CHLSN: variants seen among roughly 807,000 people sequenced by gnomAD.
CHLSN encodes the protein protein cholesin.
At chr7:1,106,228 A>G in the CHLSN span, among the ~76,000 whole-genome samples, 2 of 152,144 alleles carry the variant, frequency 1.3e-5, no homozygotes, top group South Asian at 2.1e-4. Flanking sequence ...GACTCTCCAC[A>G]TGCGGATGCC....
chr7:1,062,799 C>T, the CHLSN span, among the ~76,000 whole-genome samples: 4 of 152,188 alleles, frequency 2.6e-5, no homozygotes, highest in Non-Finnish European at 4.4e-5. Context: ...GTCCGCACTC[C>T]GTCAGGTTGG....
the CHLSN span, among the ~76,000 whole-genome samples, chr7:1,123,877 C>T: frequency 6.6e-6 from 1 of 152,130 alleles, no homozygotes; most frequent in Non-Finnish European, 1.5e-5. This position sits in a 1 kb window ranked among gnomAD's most constrained non-coding sequence, Gnocchi z 4.4. Flanking sequence ...CGGGCTCCAC[C>T]GAGACCGCAT....
the CHLSN span, among the ~76,000 whole-genome samples, chr7:1,051,888 G>A: frequency 1.3e-5 from 2 of 152,222 alleles, no homozygotes; most frequent in Non-Finnish European, 2.9e-5. Flanking sequence ...TGAGATGGGA[G>A]GATCGCTTGA....
the CHLSN span, among the ~76,000 whole-genome samples, chr7:1,122,864 T>A: frequency 6.6e-6 from 1 of 152,104 alleles, no homozygotes; most frequent in East Asian, 1.9e-4. Flanking sequence ...CGGCAGAACC[T>A]CCTGCCCGCA....
the CHLSN span, among the ~76,000 whole-genome samples, chr7:1,077,249 G>A: frequency 3.9e-5 from 6 of 152,166 alleles, no homozygotes; most frequent in East Asian, 3.9e-4. Context: ...TCCGCCTCCC[G>A]GGTTCACACC....
At chr7:1,010,309 C>T in the CHLSN span, among the ~76,000 whole-genome samples, 23 of 152,306 alleles carry the variant, frequency 1.5e-4, no homozygotes, top group East Asian at 3.5e-3. Flanking sequence ...GCCTGTGCTA[C>T]GACGAAGAGA....
the CHLSN span, among the ~76,000 whole-genome samples, chr7:1,053,645 T>C: frequency 0.023 from 3,464 of 152,204 alleles, 150 homozygotes; most frequent in East Asian, 0.2. Context: ...CTGGCCAACA[T>C]GGAGAAACCT....
chr7:1,132,691 CT>C, the CHLSN span, among the ~76,000 whole-genome samples: 1 of 94,526 alleles, frequency 1.1e-5, no homozygotes, highest in Non-Finnish European at 1.9e-5. Context: ...GAGAACCTGT[CT>C]TTAAAAAAAA....
chr7:1,118,655 A>T, the CHLSN span, among the ~76,000 whole-genome samples: 1 of 152,136 alleles, frequency 6.6e-6, no homozygotes, highest in African/African-American at 2.4e-5. Context: ...TGTCCAAAAA[A>T]ACAATGAAGA....
chr7:1,022,518 G>A, the CHLSN span, among the ~76,000 whole-genome samples: 1 of 152,148 alleles, frequency 6.6e-6, no homozygotes. Context: ...GCAATCGCAG[G>A]TGACGGCCGT....
the CHLSN span, among the ~76,000 whole-genome samples, chr7:1,023,678 C>CACACACACACACACACACA: frequency 6.2e-5 from 9 of 144,544 alleles, no homozygotes; most frequent in South Asian, 4.5e-4. This position sits in a 1 kb window ranked among gnomAD's most constrained non-coding sequence, Gnocchi z 5.0. Flanking sequence ...CACACACACA[C>CACACACACACACACACACA]CAGCAACGCG....
chr7:1,121,291 G>C, the CHLSN span, among the ~76,000 whole-genome samples: 1 of 152,140 alleles, frequency 6.6e-6, no homozygotes, highest in Admixed American at 6.5e-5. Flanking sequence ...ACAATGTGGT[G>C]GGGGTGGGTG....
At chr7:1,074,312 C>G in the CHLSN span, 5 of 135,474 alleles carry the variant, frequency 3.7e-5, no homozygotes, top group African/African-American at 1.4e-4. Flanking sequence ...CCGGCCCCCG[C>G]ACCCTTGTCT....
the CHLSN span, among the ~76,000 whole-genome samples, chr7:1,070,905 C>G: frequency 6.8e-6 from 1 of 146,190 alleles, no homozygotes; most frequent in Non-Finnish European, 1.5e-5. Flanking sequence ...CACACACATG[C>G]ACGCACACAC....
the CHLSN span, among the ~76,000 whole-genome samples, chr7:1,017,320 C>A: frequency 6.6e-6 from 1 of 152,118 alleles, no homozygotes; most frequent in African/African-American, 2.4e-5. Flanking sequence ...CCTGCCGTGC[C>A]CTGCTGTGCG....
At chr7:1,020,334 G>A in the CHLSN span, among the ~76,000 whole-genome samples, 2 of 152,120 alleles carry the variant, frequency 1.3e-5, no homozygotes, top group South Asian at 2.1e-4. Context: ...CGCCCAGCAC[G>A]CCCACCAAAG....
the CHLSN span, among the ~76,000 whole-genome samples, chr7:1,082,877 T>C: frequency 6.6e-6 from 1 of 152,214 alleles, no homozygotes; most frequent in South Asian, 2.1e-4. Context: ...GTCATTTGCA[T>C]TTATCCAAAG....
At chr7:1,136,406 A>G in the CHLSN span, among the ~76,000 whole-genome samples, 2 of 116,872 alleles carry the variant, frequency 1.7e-5, no homozygotes, top group Non-Finnish European at 3.2e-5. Context: ...ATAAATATAT[A>G]TAAACATATA....
chr7:1,122,679 C>T, the CHLSN span, among the ~76,000 whole-genome samples: 14 of 152,152 alleles, frequency 9.2e-5, no homozygotes, highest in African/African-American at 3.4e-4. Flanking sequence ...GAAACCTCAT[C>T]CTCACAACCC....
Sources: allele counts gnomAD v4.1 joint callset (sites outside exome capture counted in the v4.1 genomes callset), GRCh38; gene constraint gnomAD v4.1.1; non-coding constraint Gnocchi (gnomAD v3.1); transcripts MANE v1.5; gene names NCBI Gene and HGNC (gene_info 2026-07-23, HGNC 2026-07-21).